The following NBAS variants were observed in gnomAD, a reference collection of about 807,000 sequenced individuals.
The protein encoded by NBAS is NAG/BC035112 fusion.
A neutral mutation model predicts 302.5 loss-of-function variants in NBAS; 219 were observed. The observed-to-expected ratio is 0.72, with a 90% confidence interval of 0.65 to 0.81. The LOEUF is 0.81. Among genes scored for constraint, NBAS ranks in the 30% least tolerant of loss-of-function variants. The pLI, the probability that NBAS is intolerant of heterozygous loss-of-function variation, is 0.00. For synonymous variants in NBAS, 1,118 were observed against 1,021.6 expected, an observed-to-expected ratio of 1.09 and a Z score of -1.80; for missense variants, 2,932 against 2,841.6, an observed-to-expected ratio of 1.03 and a Z score of -0.72.
chr2:15,539,171 T>C, intron 7 of NBAS, 52 bp downstream of exon 7: 2 of 1,608,646 alleles, frequency 1.2e-6, no homozygotes, highest in South Asian at 1.1e-5. Flanking sequence ...CAAGTACCTA[T>C]ACATACATGA....
At chr2:15,070,463 A>G in the NBAS span, among the ~76,000 whole-genome samples, 1 of 152,082 alleles carries the variant, frequency 6.6e-6, no homozygotes, top group East Asian at 1.9e-4. Flanking sequence ...TGTTGGCCCC[A>G]TATCTGCCTC....
intron 14 of NBAS, among the ~76,000 whole-genome samples, chr2:15,474,921 G>A (rs1260878126): frequency 1.3e-5 from 2 of 152,092 alleles, no homozygotes; most frequent in East Asian, 1.9e-4. Context: ...ATCAGGTCTT[G>A]TACCTGATAA....
chr2:14,791,515 G>A, the NBAS span, among the ~76,000 whole-genome samples: 1 of 152,038 alleles, frequency 6.6e-6, no homozygotes, highest in East Asian at 1.9e-4. Flanking sequence ...ATATAAAATG[G>A]GCATGAGGTT....
chr2:15,358,200 GC>G (rs2148317486), intron 32 of NBAS, among the ~76,000 whole-genome samples: 1 of 152,174 alleles, frequency 6.6e-6, no homozygotes, highest in South Asian at 2.1e-4. Context: ...GCCCAGCCCA[GC>G]CGGCATACTT....
the NBAS span, among the ~76,000 whole-genome samples, chr2:14,895,732 T>C: frequency 7.7e-6 from 1 of 130,584 alleles, no homozygotes; most frequent in Admixed American, 7.4e-5. Flanking sequence ...AGAGCGAGAC[T>C]CCGTCTCAAA....
In NBAS at chr2:15,463,788, C is replaced by CA. The variant is rs55808465; in HGVS notation, c.2098-1998dup. Reference sequence around the variant, plus strand: ...AATCCTCATTCAAATGAACCAAATGCAAAAAAAAAAAAAAAAAGCACCAGG... The same window carrying CA: ...AATCCTCATTCAAATGAACCAAATGCAAAAAAAAAAAAAAAAAAGCACCAGG... On this transcript the variant is annotated intron_variant, in intron 19 of 51. Coordinates refer to ENST00000281513, the MANE Select transcript of NBAS (RefSeq NM_015909.4). Among the ~76,000 whole-genome samples, 804 of 91,596 alleles carry CA rather than the reference C, an allele frequency of 8.8e-3. 17 individuals are homozygous for CA. The highest frequency in any genetic ancestry group is 0.025 in the Middle Eastern group (3 of 118). The allele number at this position is 91,596 out of a possible 152,430, so 60.1% of individuals were successfully genotyped here. A position where few individuals can be genotyped will look rare whatever the true frequency, so the allele number is the denominator to read the frequency against.
the NBAS span, among the ~76,000 whole-genome samples, chr2:14,909,561 C>T: frequency 1.3e-5 from 2 of 152,064 alleles, no homozygotes; most frequent in African/African-American, 2.4e-5. Flanking sequence ...CTTGACCTAC[C>T]AGAATCTCAT....
At chr2:14,993,998 T>C in the NBAS span, among the ~76,000 whole-genome samples, 1 of 152,048 alleles carries the variant, frequency 6.6e-6, no homozygotes, top group Non-Finnish European at 1.5e-5. Context: ...TGCACAGAAA[T>C]AGATATTACA....
rs72776611 is a variant in NBAS, at chr2:15,195,157, C to A, written c.6433-4754G>T. On this transcript the variant is annotated intron_variant, in intron 48 of 51. Transcript: ENST00000281513. ...ATAGAATCTGCTATGGTTTGAATGT[C>A]CCTTCCAAAATTCATGTTGAAATTT... 7.1e-3 allele frequency among the ~76,000 whole-genome samples: 1,083 copies of A among 152,154 alleles called. 18 individuals are homozygous for A. Among genetic ancestry groups the A allele is most frequent in the Middle Eastern group, 0.01 (3 of 294 alleles).
intron 48 of NBAS, among the ~76,000 whole-genome samples, chr2:15,208,382 T>C (rs532092766): frequency 1.1e-4 from 17 of 152,288 alleles, no homozygotes; most frequent in African/African-American, 4.1e-4. Context: ...GTGGTAATTA[T>C]GGGAACTATA....
At chr2:15,302,741 A>C (rs910238950) in intron 40 of NBAS, among the ~76,000 whole-genome samples, 16 of 152,218 alleles carry the variant, frequency 1.1e-4, no homozygotes, top group African/African-American at 3.6e-4. Flanking sequence ...GGGTGTTGCC[A>C]AAGAAGGTTA....
At chr2:15,271,010 A>G (rs560304405) in intron 44 of NBAS, among the ~76,000 whole-genome samples, 85 of 152,216 alleles carry the variant, frequency 5.6e-4, no homozygotes, top group Non-Finnish European at 1.1e-3. Flanking sequence ...GGCAATATAG[A>G]GACCCTGAAG....
chr2:15,097,922 T>TTA, the NBAS span, among the ~76,000 whole-genome samples: 1 of 117,812 alleles, frequency 8.5e-6, no homozygotes, highest in African/African-American at 3.2e-5. Flanking sequence ...ATATTATATA[T>TTA]TATATATATT....
chr2:15,166,114 G>A (rs1199936707), downstream of NBAS, among the ~76,000 whole-genome samples: 2 of 152,194 alleles, frequency 1.3e-5, no homozygotes, highest in Non-Finnish European at 2.9e-5. Flanking sequence ...GTGGGGGCAG[G>A]TGCCAGCAAG....
chr2:14,793,914 C>T, the NBAS span, among the ~76,000 whole-genome samples: 3 of 151,780 alleles, frequency 2.0e-5, no homozygotes, highest in South Asian at 2.1e-4. Flanking sequence ...TTACGAGTAC[C>T]GTGAAAAAAA....
chr2:15,360,207 G>A (rs1673832433), intron 32 of NBAS, among the ~76,000 whole-genome samples: 1 of 151,906 alleles, frequency 6.6e-6, no homozygotes, highest in South Asian at 2.1e-4. Flanking sequence ...GAATGTGAAG[G>A]CCGAGGATAT....
intron 10 of NBAS, 29 bp from the exon 11 acceptor site, chr2:15,504,242 A>C: frequency 6.6e-7 from 1 of 1,523,366 alleles, no homozygotes; most frequent in Non-Finnish European, 9.1e-7. Flanking sequence ...ATATGAAGAA[A>C]GATTACTGAA....
intron 21 of NBAS, among the ~76,000 whole-genome samples, chr2:15,439,266 C>A (rs1299681627): frequency 6.7e-6 from 1 of 148,338 alleles, no homozygotes; most frequent in African/African-American, 2.5e-5. Flanking sequence ...ATCGCCACTG[C>A]ACTCCGACCT....
At chr2:15,425,043 G>GA (rs369850225) in intron 22 of NBAS, among the ~76,000 whole-genome samples, 18 of 147,542 alleles carry the variant, frequency 1.2e-4, no homozygotes, top group Admixed American at 2.7e-4. Flanking sequence ...TATCAACTGT[G>GA]AAAAAAAAAA....
Sources: allele counts gnomAD v4.1 joint callset (sites outside exome capture counted in the v4.1 genomes callset), GRCh38; gene constraint gnomAD v4.1.1; transcripts MANE v1.5; gene names NCBI Gene and HGNC (gene_info 2026-07-23, HGNC 2026-07-21).